Variants in SLC25A21 observed in about 807,000 individuals in gnomAD.
SLC25A21 encodes the protein mitochondrial 2-oxodicarboxylate carrier.
SLC25A21 carries 47 observed loss-of-function variants against 43.8 expected under a neutral mutation model. That is an observed-to-expected ratio of 1.07 (90% CI 0.85 to 1.37). SLC25A21 has a LOEUF of 1.37. SLC25A21 is among the 40% of genes most tolerant of loss of function. SLC25A21 has a pLI of 0.00. For synonymous variants in SLC25A21, 131 were observed against 121.3 expected (o/e 1.08, Z -0.52); for missense variants, 352 against 350.2 (o/e 1.00, Z -0.04).
intron 1 of SLC25A21, among the ~76,000 whole-genome samples, chr14:36,978,817 C>G (rs1959942306): frequency 1.3e-5 from 2 of 152,304 alleles, no homozygotes; most frequent in Middle Eastern, 3.4e-3. Context: ...AAGCCATTCA[C>G]CGACTCTAAA....
chr14:36,931,637 G>A (rs756677776), intron 1 of SLC25A21, among the ~76,000 whole-genome samples: 20 of 152,244 alleles, frequency 1.3e-4, no homozygotes, highest in African/African-American at 4.6e-4. Context: ...TTGGGGTTAC[G>A]TGTTAGAGGA....
At chr14:37,163,061 T>C (rs1405735947) in intron 1 of SLC25A21, among the ~76,000 whole-genome samples, 1 of 151,084 alleles carries the variant, frequency 6.6e-6, no homozygotes, top group African/African-American at 2.4e-5. Context: ...AAACACCGCA[T>C]ATTCTCACTC....
intron 1 of SLC25A21, among the ~76,000 whole-genome samples, chr14:36,963,428 T>C (rs1204569842): frequency 2.0e-5 from 3 of 152,202 alleles, no homozygotes; most frequent in Non-Finnish European, 4.4e-5. Flanking sequence ...TATTTTAAAA[T>C]AATAGATTAT....
intron 2 of SLC25A21, among the ~76,000 whole-genome samples, chr14:36,873,505 AG>A (rs1428023748): frequency 6.6e-6 from 1 of 152,166 alleles, no homozygotes; most frequent in Non-Finnish European, 1.5e-5. Flanking sequence ...CATGTTGGCC[AG>A]GCTGGTCTCA....
At position 36,680,023 on chromosome 14, in the gene SLC25A21, G is replaced by T; in HGVS notation, c.*635C>A. ...TATTTATTATCTTACAGCAATATGA[G>T]ATATAAAGTAGATGTAGGAAAATAG... is the stretch of plus-strand genomic sequence containing the variant. On this transcript the variant is annotated 3_prime_UTR_variant, in exon 10 of 10. Coordinates refer to ENST00000331299, the MANE Select transcript of SLC25A21 (RefSeq NM_030631.4). 1.2e-6 allele frequency: 1 copy of T among 861,882 alleles called. No individual in the cohort carries two copies. Among genetic ancestry groups the T allele is most frequent in the Non-Finnish European group, 1.4e-6 (1 of 718,978 alleles). 53.4% of individuals were successfully genotyped at this position (861,882 alleles called of 1,614,324 possible).
At chr14:36,883,366 C>T (rs1220862363) in intron 1 of SLC25A21, among the ~76,000 whole-genome samples, 2 of 152,160 alleles carry the variant, frequency 1.3e-5, no homozygotes, top group Non-Finnish European at 2.9e-5. Context: ...TGGTCAACAT[C>T]CTTCACGTGG....
intron 1 of SLC25A21, among the ~76,000 whole-genome samples, chr14:36,958,068 AT>A (rs34413483): frequency 0.21 from 31,379 of 150,014 alleles, 3,917 homozygotes; most frequent in South Asian, 0.31. Flanking sequence ...TTTGAGGCTC[AT>A]TTTTTTTTTA....
At chr14:36,981,765 C>A (rs1369432945) in intron 1 of SLC25A21, among the ~76,000 whole-genome samples, 1 of 152,044 alleles carries the variant, frequency 6.6e-6, no homozygotes, top group Non-Finnish European at 1.5e-5. Context: ...TGCAGCATAC[C>A]AACATGGCAC....
intron 1 of SLC25A21, among the ~76,000 whole-genome samples, chr14:37,111,247 C>G (rs1963014261): frequency 6.6e-6 from 1 of 152,132 alleles, no homozygotes. Flanking sequence ...AAAAAGGCAG[C>G]AAGAAACCCA....
At chr14:36,939,025 T>C (rs1892493210) in intron 1 of SLC25A21, among the ~76,000 whole-genome samples, 1 of 152,198 alleles carries the variant, frequency 6.6e-6, no homozygotes, top group South Asian at 2.1e-4. Flanking sequence ...TCAGATACAT[T>C]AATTTATTGC....
intron 1 of SLC25A21, among the ~76,000 whole-genome samples, chr14:37,034,379 C>T (rs374859969): frequency 1.3e-5 from 2 of 152,082 alleles, no homozygotes; most frequent in African/African-American, 4.8e-5. Flanking sequence ...TTTGGATGAT[C>T]GTTCTCTGTC....
chr14:36,926,416 A>T (rs1260465711), intron 1 of SLC25A21, among the ~76,000 whole-genome samples: 1 of 152,186 alleles, frequency 6.6e-6, no homozygotes. Context: ...AAAATGATAC[A>T]TTTAAACAAA....
At chr14:36,852,307 C>G (rs1889765138) in intron 2 of SLC25A21, among the ~76,000 whole-genome samples, 1 of 152,178 alleles carries the variant, frequency 6.6e-6, no homozygotes, top group Admixed American at 6.5e-5. Flanking sequence ...GCCTCTAAAC[C>G]TGCTTCCTGG....
chr14:36,957,036 A>G (rs1959359672), intron 1 of SLC25A21, among the ~76,000 whole-genome samples: 1 of 152,266 alleles, frequency 6.6e-6, no homozygotes, highest in Non-Finnish European at 1.5e-5. Context: ...AGCTGATTGC[A>G]GATTCTAACG....
chr14:37,020,167 C>G (rs1418825097), intron 1 of SLC25A21, among the ~76,000 whole-genome samples: 1 of 151,784 alleles, frequency 6.6e-6, no homozygotes, highest in Non-Finnish European at 1.5e-5. Flanking sequence ...TTAAATAAAA[C>G]TCGATGTAGT....
intron 1 of SLC25A21, among the ~76,000 whole-genome samples, chr14:36,880,650 C>A (rs1189042998): frequency 6.6e-6 from 1 of 152,052 alleles, no homozygotes; most frequent in African/African-American, 2.4e-5. Context: ...CAGCTAAATT[C>A]TCAAGATAAA....
At chr14:36,864,999 A>G (rs1594650884) in intron 2 of SLC25A21, among the ~76,000 whole-genome samples, 1 of 148,466 alleles carries the variant, frequency 6.7e-6, no homozygotes, top group African/African-American at 2.5e-5. Context: ...TTCTCTCCCC[A>G]TTTTAAAAAG....
chr14:36,860,563 A>G (rs751092704), intron 2 of SLC25A21, among the ~76,000 whole-genome samples: 4 of 152,182 alleles, frequency 2.6e-5, no homozygotes, highest in Non-Finnish European at 4.4e-5. Flanking sequence ...CCCCCTGGAC[A>G]CTGACAGCCT....
intron 1 of SLC25A21, among the ~76,000 whole-genome samples, chr14:36,939,079 A>T (rs1437420981): frequency 6.6e-6 from 1 of 152,154 alleles, no homozygotes; most frequent in East Asian, 1.9e-4. Flanking sequence ...CTTCTCAAAC[A>T]TGTCTCTGGT....
Sources: gnomAD v4.1 joint callset for allele counts (sites outside exome capture counted in the v4.1 genomes callset) on GRCh38, gnomAD v4.1.1 for gene constraint, MANE v1.5 for transcripts, NCBI Gene and HGNC (gene_info 2026-07-23, HGNC 2026-07-21) for gene names.